TUBA1C: variants seen among roughly 807,000 people sequenced by gnomAD.
TUBA1C encodes tubulin alpha 1c.
A neutral mutation model predicts 34.9 loss-of-function variants in TUBA1C; 16 were observed. The ratio of observed to expected loss-of-function variants is 0.46; its 90% CI spans 0.31 to 0.70. TUBA1C has a LOEUF of 0.70. TUBA1C is among the 30% of genes least tolerant of loss of function. The probability of loss-of-function intolerance (pLI) is 0.05; values close to 1 mark genes in which losing one functional copy is unlikely to be tolerated. For synonymous variants in TUBA1C, 177 were observed against 215.9 expected (o/e 0.82, Z 1.58); for missense variants, 329 against 587.3 (o/e 0.56, Z 4.55).
intron 1 of TUBA1C, among the ~76,000 whole-genome samples, chr12:49,245,907 CT>C (rs557172817): frequency 2.2e-3 from 330 of 151,954 alleles, no homozygotes; most frequent in Middle Eastern, 0.014. Flanking sequence ...CATACTTCTT[CT>C]TTTTTTTCTT....
intron 1 of TUBA1C, among the ~76,000 whole-genome samples, chr12:49,254,460 C>T (rs955287454): frequency 3.6e-5 from 4 of 111,574 alleles, no homozygotes; most frequent in Non-Finnish European, 4.9e-5. Context: ...CCAGCCTGGG[C>T]AACAGAGCGA....
At chr12:49,229,306 A>G (rs12300998) in intron 1 of TUBA1C, among the ~76,000 whole-genome samples, 2,669 of 152,060 alleles carry the variant, frequency 0.018, 68 homozygotes, top group African/African-American at 0.061. Flanking sequence ...CCGAATAACT[A>G]GGATTACAGC....
At position 49,274,284 on chromosome 12, in the gene TUBA1C, AATTTTTT is replaced by A. The variant is rs1943033096; in HGVS notation, c.*1058_*1064del. ...TCCACCATGCCTGGCTGATTCTTGT[AATTTTTT>A]TTTTTTTTTTTTTTTTTTTTTTTGG... On this transcript the variant is annotated 3_prime_UTR_variant, in exon 4 of 4. Coordinates refer to ENST00000301072, the MANE Select transcript of TUBA1C (RefSeq NM_032704.5). The A allele has an allele frequency of 1.1e-5, 1 of 90,616 alleles. No homozygotes were observed. The highest frequency in any genetic ancestry group is 1.9e-5 in the Non-Finnish European group (1 of 51,316). The allele number at this position is 90,616 out of a possible 1,614,324, so 5.6% of individuals were successfully genotyped here.
chr12:49,248,637 G>A (rs915937254), intron 1 of TUBA1C, among the ~76,000 whole-genome samples: 1 of 151,708 alleles, frequency 6.6e-6, no homozygotes, highest in African/African-American at 2.4e-5. Flanking sequence ...GCCGAGGCGG[G>A]CGGATCACGA....
At chr12:49,242,902 C>T (rs1456198182) in intron 1 of TUBA1C, among the ~76,000 whole-genome samples, 1 of 151,864 alleles carries the variant, frequency 6.6e-6, no homozygotes, top group Non-Finnish European at 1.5e-5. Context: ...CTCCCAGGCT[C>T]AAGCTGATCC....
chr12:49,253,668 C>T (rs754650081), intron 1 of TUBA1C, among the ~76,000 whole-genome samples: 3 of 152,162 alleles, frequency 2.0e-5, no homozygotes. Context: ...GCTGGGACTA[C>T]AGGCATGTAC....
At chr12:49,230,750 G>T (rs984643070) in intron 1 of TUBA1C, among the ~76,000 whole-genome samples, 6 of 152,184 alleles carry the variant, frequency 3.9e-5, no homozygotes, top group African/African-American at 4.8e-5. Context: ...CTCAAAGCAG[G>T]GTGGTTAATA....
intron 1 of TUBA1C, among the ~76,000 whole-genome samples, chr12:49,244,528 A>G (rs934764478): frequency 6.6e-6 from 1 of 152,026 alleles, no homozygotes; most frequent in African/African-American, 2.4e-5. Flanking sequence ...CCCTATTTTT[A>G]GAAATTCTAT....
chr12:49,240,525 C>T (rs1435525844), intron 1 of TUBA1C, among the ~76,000 whole-genome samples: 1 of 152,148 alleles, frequency 6.6e-6, no homozygotes, highest in African/African-American at 2.4e-5. Context: ...ACTTCCTGGA[C>T]CCCCACAGGG....
chr12:49,256,180 C>T (rs530935331), intron 1 of TUBA1C, among the ~76,000 whole-genome samples: 6 of 152,312 alleles, frequency 3.9e-5, no homozygotes, highest in Non-Finnish European at 8.8e-5. Flanking sequence ...GACCAAAGGC[C>T]ATGAAACCCC....
At chr12:49,269,737 A>T (rs1271070450) in intron 2 of TUBA1C, 50 bp downstream of exon 2, 1 of 1,612,640 alleles carries the variant, frequency 6.2e-7, no homozygotes. Context: ...CTGGGACAGG[A>T]GGTCTGTCCT....
Position 49,269,935 on chromosome 12 carries a change from A to T in TUBA1C, c.334A>T (p.Lys112Ter), listed in dbSNP as rs1942968289. The T allele has an allele frequency of 6.2e-7, 1 of 1,614,120 alleles. No homozygotes were observed. The highest frequency in any genetic ancestry group is 1.3e-5 in the African/African-American group (1 of 74,950). Residue 112 changes from lysine to a stop codon, truncating the protein, a stop_gained, in exon 3 of 4, where the codon AAG (lysine) becomes TAG (stop). Transcript: ENST00000301072. LOFTEE classifies it high-confidence loss of function. ...TGCCCGAGGGCACTACACCATTGGC[A>T]AGGAGATCATTGACCTCGTGTTGGA... is the stretch of plus-strand genomic sequence containing the variant. ...NYARGHYTIG[K>*]EIIDLVLDRI...
upstream of TUBA1C, chr12:49,264,951 G>C: frequency 2.1e-6 from 1 of 465,280 alleles, no homozygotes; most frequent in Non-Finnish European, 3.4e-6. Context: ...CCCACTCCGC[G>C]GGTGCGGCCG....
At chr12:49,269,417 C>T (rs755540239) in intron 1 of TUBA1C, 48 bp from the exon 2 acceptor site, 3 of 1,611,824 alleles carry the variant, frequency 1.9e-6, no homozygotes. Context: ...TCCTAAATGT[C>T]CCATCTGATG....
In TUBA1C at chr12:49,274,321, G is replaced by T; in HGVS notation, c.*1094G>T. 1 of 107,110 alleles carries T rather than the reference G, an allele frequency of 9.3e-6. No homozygotes were observed. The highest frequency in any genetic ancestry group is 4.1e-5 in the African/African-American group (1 of 24,642). The allele number at this position is 107,110 out of a possible 1,614,324, so 6.6% of individuals were successfully genotyped here. The stretch of plus-strand genomic sequence containing the variant: ...TTTTTTTTTTTTTTTTTTTGGTAGA[G>T]ATGGGGTTTTGCCATGTTGCTTAGG... On this transcript the variant is annotated 3_prime_UTR_variant, in exon 4 of 4. Coordinates refer to ENST00000301072, the MANE Select transcript of TUBA1C (RefSeq NM_032704.5).
chr12:49,248,811 T>C (rs1339013899), intron 1 of TUBA1C, among the ~76,000 whole-genome samples: 1 of 138,244 alleles, frequency 7.2e-6, no homozygotes, highest in Non-Finnish European at 1.5e-5. Context: ...GAGCTTGCAG[T>C]GAGCCAAGAT....
intron 1 of TUBA1C, among the ~76,000 whole-genome samples, chr12:49,241,048 T>G (rs1354608297): frequency 1.3e-5 from 2 of 151,850 alleles, no homozygotes; most frequent in Non-Finnish European, 2.9e-5. Context: ...ACTATAGGAG[T>G]GCACCACCAC....
At chr12:49,266,895 TG>T (rs1224706413) in intron 1 of TUBA1C, among the ~76,000 whole-genome samples, 2 of 152,208 alleles carry the variant, frequency 1.3e-5, no homozygotes, top group Admixed American at 1.3e-4. Context: ...TATGTCGCAC[TG>T]TAACAACTTA....
chr12:49,243,054 T>TGCCTCA (rs1476237411), intron 1 of TUBA1C, among the ~76,000 whole-genome samples: 1 of 152,164 alleles, frequency 6.6e-6, no homozygotes, highest in Non-Finnish European at 1.5e-5. Flanking sequence ...GTAATCTGCC[T>TGCCTCA]GCCTCAGCCT....
Sources: allele counts gnomAD v4.1 joint callset (sites outside exome capture counted in the v4.1 genomes callset), GRCh38; gene constraint gnomAD v4.1.1; transcripts MANE v1.5; gene names NCBI Gene and HGNC (gene_info 2026-07-23, HGNC 2026-07-21).